The following CAMTA1 variants were observed in gnomAD, a reference collection of about 807,000 sequenced individuals.
CAMTA1 encodes calmodulin-binding transcription activator 1.
Under a neutral mutation model 170.9 loss-of-function variants are expected in CAMTA1, and 27 were observed. That is an observed-to-expected ratio of 0.16 (90% CI 0.12 to 0.22). CAMTA1 has a LOEUF of 0.22. Among genes scored for constraint, CAMTA1 ranks in the 10% least tolerant of loss-of-function variants. The pLI, the probability that CAMTA1 is intolerant of heterozygous loss-of-function variation, is 1.00. For missense variants in CAMTA1, 1,619 were observed against 2,217.2 expected (o/e 0.73, Z 5.42); for synonymous variants, 833 against 891.5 (o/e 0.93, Z 1.17).
intron 6 of CAMTA1, among the ~76,000 whole-genome samples, chr1:7,480,210 C>CAT (rs1553177153): frequency 1.4e-5 from 1 of 70,832 alleles, no homozygotes; most frequent in Non-Finnish European, 2.7e-5. Flanking sequence ...TGTGTGAGTG[C>CAT]ATGTGTGTAC....
intron 5 of CAMTA1, among the ~76,000 whole-genome samples, chr1:7,279,656 G>T (rs1031903836): frequency 6.6e-6 from 1 of 152,170 alleles, no homozygotes; most frequent in African/African-American, 2.4e-5. Context: ...ATGCGGCACC[G>T]TGCCGAGGGC....
At chr1:7,457,262 T>A (rs1040539745) in intron 5 of CAMTA1, among the ~76,000 whole-genome samples, 4 of 152,154 alleles carry the variant, frequency 2.6e-5, no homozygotes, top group African/African-American at 9.7e-5. Flanking sequence ...CTCCAGATAT[T>A]TTATTTATAT....
At chr1:7,711,354 T>C (rs1335275621) in intron 11 of CAMTA1, among the ~76,000 whole-genome samples, 1 of 152,090 alleles carries the variant, frequency 6.6e-6, no homozygotes, top group African/African-American at 2.4e-5. Context: ...TAGGAAGACA[T>C]AACATTCAGT....
intron 6 of CAMTA1, among the ~76,000 whole-genome samples, chr1:7,575,402 C>T (rs1207901172): frequency 1.3e-5 from 2 of 152,176 alleles, no homozygotes; most frequent in Non-Finnish European, 2.9e-5. Context: ...CCTCCCAGAA[C>T]ACAGGCCCCA....
chr1:6,915,693 G>A (rs1330456674), intron 3 of CAMTA1, among the ~76,000 whole-genome samples: 7 of 152,168 alleles, frequency 4.6e-5, no homozygotes, highest in African/African-American at 7.2e-5. Flanking sequence ...AGCAGCAGCC[G>A]GCCTCTGGTT....
chr1:7,763,588 A>G (rs185063093), intron 22 of CAMTA1, among the ~76,000 whole-genome samples: 2 of 152,232 alleles, frequency 1.3e-5, no homozygotes, highest in Non-Finnish European at 2.9e-5. Context: ...AAAGAAACTG[A>G]AAAAACTGCA....
intron 5 of CAMTA1, among the ~76,000 whole-genome samples, chr1:7,389,179 C>T (rs558343284): frequency 1.3e-5 from 2 of 152,336 alleles, no homozygotes; most frequent in East Asian, 1.9e-4. Flanking sequence ...GATCCTCCCA[C>T]CCCCAGCTGT....
chr1:7,196,101 G>T (rs1236322962), intron 4 of CAMTA1, among the ~76,000 whole-genome samples: 2 of 152,196 alleles, frequency 1.3e-5, no homozygotes, highest in East Asian at 1.9e-4. Context: ...CCTGCAGGAG[G>T]TGATTGAATC....
chr1:7,316,088 A>G (rs1368170273), intron 5 of CAMTA1, among the ~76,000 whole-genome samples: 1 of 152,208 alleles, frequency 6.6e-6, no homozygotes, highest in Admixed American at 6.5e-5. Flanking sequence ...AAAACCGTCA[A>G]ATCTCATGAG....
intron 1 of CAMTA1, among the ~76,000 whole-genome samples, chr1:6,794,890 G>GTTT (rs61310345): frequency 1.4e-5 from 2 of 147,048 alleles, no homozygotes; most frequent in African/African-American, 5.0e-5. Flanking sequence ...CTTTTTTTTT[G>GTTT]TTTTTTTTGT....
intron 3 of CAMTA1, among the ~76,000 whole-genome samples, chr1:7,037,337 G>C (rs1703739485): frequency 6.6e-6 from 1 of 152,202 alleles, no homozygotes; most frequent in Admixed American, 6.5e-5. Context: ...CAGGAGGGGT[G>C]CGTGAGGCAG....
chr1:7,510,583 T>G lies in CAMTA1; in HGVS notation c.510+42682T>G, dbSNP rs1464283741. Among the ~76,000 whole-genome samples the G allele has an allele frequency of 2.7e-5, 4 of 146,448 alleles. 2 individuals carry two copies. In the East Asian group the frequency reaches 8.7e-4, roughly 32 times the overall value. On this transcript the variant is annotated intron_variant, in intron 6 of 22. Coordinates refer to ENST00000303635, the MANE Select transcript of CAMTA1 (RefSeq NM_015215.4). ...CACAGGCACTGGAGAAGGAAGAGGA[T>G]TTCACACAGAGGTTCCAGAGTCCAT... is the stretch of plus-strand genomic sequence containing the variant.
At chr1:6,968,099 C>T (rs1691876823) in intron 3 of CAMTA1, among the ~76,000 whole-genome samples, 1 of 152,228 alleles carries the variant, frequency 6.6e-6, no homozygotes, top group African/African-American at 2.4e-5. Flanking sequence ...AGATAGCTTC[C>T]TCTACTCCTG....
chr1:6,894,012 A>C (rs757013487), intron 3 of CAMTA1, among the ~76,000 whole-genome samples: 64 of 152,226 alleles, frequency 4.2e-4, no homozygotes, highest in Non-Finnish European at 7.2e-4. Context: ...ATTCACACTG[A>C]AAGATTAAAA....
chr1:6,877,452 T>C (rs945797371), intron 3 of CAMTA1, among the ~76,000 whole-genome samples: 1 of 152,116 alleles, frequency 6.6e-6, no homozygotes, highest in Non-Finnish European at 1.5e-5. Context: ...AGATCTGCCC[T>C]AGGTAGAAAG....
chr1:7,003,817 C>T (rs1056273271), intron 3 of CAMTA1, among the ~76,000 whole-genome samples: 6 of 152,186 alleles, frequency 3.9e-5, no homozygotes, highest in East Asian at 1.9e-4. Flanking sequence ...TCCAAGTTTA[C>T]GGAAGTATCT....
At chr1:7,595,824 C>T (rs754097315) in intron 6 of CAMTA1, among the ~76,000 whole-genome samples, 12 of 152,178 alleles carry the variant, frequency 7.9e-5, no homozygotes, top group African/African-American at 2.4e-4. Context: ...ATGGCCCTGG[C>T]GGAACCCCCC....
chr1:7,686,698 C>T (rs1339603847), intron 11 of CAMTA1, among the ~76,000 whole-genome samples: 1 of 152,024 alleles, frequency 6.6e-6, no homozygotes, highest in African/African-American at 2.4e-5. Context: ...GTGTCTCCAC[C>T]GGCACAGAGA....
In CAMTA1 at chr1:7,641,172, C is replaced by T. The variant is rs975878648; in HGVS notation, c.664+619C>T. ...ACTTTGTTGCCGTGGCCACAGCTCCCGGCAGCCGCTGGCGGCTCTCAGTGG... is the reference window on the plus strand; with the variant it reads ...ACTTTGTTGCCGTGGCCACAGCTCCTGGCAGCCGCTGGCGGCTCTCAGTGG... On this transcript the variant is annotated intron_variant, in intron 7 of 22. Coordinates refer to ENST00000303635, the MANE Select transcript of CAMTA1 (RefSeq NM_015215.4). This position sits in a 1 kb window ranked among gnomAD's most constrained non-coding sequence, Gnocchi z 4.5. Among the ~76,000 whole-genome samples the T allele has an allele frequency of 9.2e-5, 14 of 152,336 alleles. No individual in the cohort carries two copies. The highest frequency in any genetic ancestry group is 8.3e-4 in the South Asian group (4 of 4,832).
Sources: gnomAD v4.1 joint callset for allele counts (sites outside exome capture counted in the v4.1 genomes callset) on GRCh38, gnomAD v4.1.1 for gene constraint, Gnocchi (gnomAD v3.1) non-coding constraint, MANE v1.5 for transcripts, NCBI Gene and HGNC (gene_info 2026-07-23, HGNC 2026-07-21) for gene names.